The following TENM4 variants were observed in gnomAD, a reference collection of about 807,000 sequenced individuals.
The protein encoded by TENM4 is teneurin transmembrane protein 4.
Under a neutral mutation model 243.3 loss-of-function variants are expected in TENM4, and 82 were observed. The ratio of observed to expected loss-of-function variants is 0.34; its 90% CI spans 0.28 to 0.40. The LOEUF is 0.40. Among genes scored for constraint, TENM4 ranks in the 10% least tolerant of loss-of-function variants. The pLI, the probability that TENM4 is intolerant of heterozygous loss-of-function variation, is 1.00. For synonymous variants in TENM4, 1,412 were observed against 1,456.3 expected (o/e 0.97, Z 0.69); for missense variants, 3,138 against 3,673.3 (o/e 0.85, Z 3.77).
intron 6 of TENM4, among the ~76,000 whole-genome samples, chr11:79,060,474 A>G (rs1352539942): frequency 1.3e-5 from 2 of 152,232 alleles, no homozygotes; most frequent in Non-Finnish European, 2.9e-5. Flanking sequence ...GTTGACAATT[A>G]CTATTGACTA....
chr11:78,811,528 A>G (rs1857498830), intron 14 of TENM4, among the ~76,000 whole-genome samples: 1 of 152,054 alleles, frequency 6.6e-6, no homozygotes, highest in Non-Finnish European at 1.5e-5. Flanking sequence ...TATTTTATAA[A>G]GGAGAGGCAT....
At chr11:78,945,100 T>C (rs1253114610) in intron 6 of TENM4, among the ~76,000 whole-genome samples, 1 of 152,230 alleles carries the variant, frequency 6.6e-6, no homozygotes, top group Admixed American at 6.5e-5. Context: ...CGATTCTCTA[T>C]AGAGATCTAC....
chr11:78,959,613 G>C (rs72945669), intron 6 of TENM4, among the ~76,000 whole-genome samples: 11,878 of 152,118 alleles, frequency 0.078, 532 homozygotes, highest in Middle Eastern at 0.19. Context: ...CTTCCTTCAG[G>C]CATGAGACAT....
rs181097291 is a variant in TENM4 at position 78,876,546 on chromosome 11, C to A, written c.1084+13239G>T. 1.2e-3 allele frequency among the ~76,000 whole-genome samples: 182 copies of A among 152,320 alleles called. 3 individuals carry two copies. The highest frequency in any genetic ancestry group is 2.5e-3 in the Admixed American group (38 of 15,304). On this transcript the variant is annotated intron_variant, in intron 9 of 33. Coordinates refer to ENST00000278550, the MANE Select transcript of TENM4 (RefSeq NM_001098816.3). Reference sequence around the variant, plus strand: ...TCTTACTTGATTTACAAGCTCAATGCCTTGTAATTTTTTCCTGATCCTCCC... The same window carrying A: ...TCTTACTTGATTTACAAGCTCAATGACTTGTAATTTTTTCCTGATCCTCCC...
At chr11:78,774,596 G>T (rs1856705181) in intron 17 of TENM4, among the ~76,000 whole-genome samples, 1 of 152,190 alleles carries the variant, frequency 6.6e-6, no homozygotes. Context: ...GCATGTAGCA[G>T]ACACTCAATA....
intron 2 of TENM4, among the ~76,000 whole-genome samples, chr11:79,266,350 C>CA (rs1380334437): frequency 1.3e-5 from 2 of 149,824 alleles, no homozygotes; most frequent in African/African-American, 5.1e-5. Context: ...CTGCAATGAG[C>CA]AAAATAGTCA....
intron 20 of TENM4, among the ~76,000 whole-genome samples, chr11:78,733,332 C>T (rs1288398576): frequency 2.6e-5 from 4 of 152,184 alleles, no homozygotes; most frequent in Non-Finnish European, 5.9e-5. Context: ...CTGGGGAGGT[C>T]TGAGGAGAAA....
chr11:79,260,620 C>T (rs1293618775), intron 2 of TENM4, among the ~76,000 whole-genome samples: 3 of 152,102 alleles, frequency 2.0e-5, no homozygotes, highest in Non-Finnish European at 2.9e-5. Context: ...CCCTGTTGCC[C>T]AGTATGCGGT....
chr11:79,426,015 G>T (rs532029597), intron 1 of TENM4, among the ~76,000 whole-genome samples: 2 of 152,080 alleles, frequency 1.3e-5, no homozygotes, highest in Non-Finnish European at 2.9e-5. Flanking sequence ...CTACTTTGAG[G>T]CCTTGAGACC....
intron 1 of TENM4, among the ~76,000 whole-genome samples, chr11:79,301,161 A>G (rs1034224943): frequency 9.9e-5 from 15 of 152,170 alleles, no homozygotes; most frequent in African/African-American, 3.1e-4. Context: ...TTTAAATGCA[A>G]ATTGGGTTAT....
chr11:79,069,822 G>A lies in TENM4; in HGVS notation c.123C>T (p.Ser41=). 1.3e-6 allele frequency: 2 copies of A among 1,551,078 alleles called. No homozygotes were observed. Among genetic ancestry groups the A allele is most frequent in the Non-Finnish European group, 1.7e-6 (2 of 1,146,900 alleles). Residue 41 remains serine (S), a synonymous_variant, in exon 5 of 34, where the codon TCC becomes TCT. Coordinates refer to ENST00000278550, the MANE Select transcript of TENM4 (RefSeq NM_001098816.3). ...GGTCGTAGGCCTTCAGGGTCTCGCT[G>A]GAGCTGTACGATTTCTGCGGGGCTT... ...EGKAPQKSYS[S]SETLKAYDQD... is the part of the protein sequence containing the mutation.
chr11:79,023,363 C>G (rs866445382), intron 6 of TENM4, among the ~76,000 whole-genome samples: 1 of 152,016 alleles, frequency 6.6e-6, no homozygotes, highest in Non-Finnish European at 1.5e-5. Context: ...AGTTCAAGAC[C>G]AGCCTGGCCA....
intron 2 of TENM4, among the ~76,000 whole-genome samples, chr11:79,293,150 A>G (rs1032356199): frequency 1.3e-5 from 2 of 152,208 alleles, no homozygotes; most frequent in African/African-American, 2.4e-5. Context: ...TATGTAAGTC[A>G]AGTACATAAT....
At chr11:78,737,814 G>T (rs937527466) in intron 20 of TENM4, among the ~76,000 whole-genome samples, 2 of 152,178 alleles carry the variant, frequency 1.3e-5, no homozygotes, top group Non-Finnish European at 2.9e-5. Context: ...AGTGGGGTGG[G>T]GAACTAAGAT....
rs1171682566 is a variant in TENM4, at chr11:78,655,844, T to G, written c.*2214A>C. The G allele has an allele frequency of 1.3e-5, 2 of 152,236 alleles. No homozygotes were observed. The allele number at this position is 152,236 out of a possible 1,614,324, so 9.4% of individuals were successfully genotyped here. ...AAAACTTGTGTTCTTCAGGCCAAAC[T>G]GTTTTCCATCTCATCCAAGAATGAT... On this transcript the variant is annotated 3_prime_UTR_variant, in exon 34 of 34. Coordinates refer to ENST00000278550, the MANE Select transcript of TENM4 (RefSeq NM_001098816.3).
intron 6 of TENM4, among the ~76,000 whole-genome samples, chr11:79,016,080 G>A (rs556767678): frequency 2.0e-5 from 3 of 152,240 alleles, no homozygotes; most frequent in Admixed American, 2.0e-4. Context: ...GAGCTAGAGT[G>A]GATCCCAGAC....
intron 4 of TENM4, among the ~76,000 whole-genome samples, chr11:79,139,703 A>ATTTATAT (rs1555016003): frequency 1.3e-4 from 11 of 82,966 alleles, no homozygotes; most frequent in African/African-American, 6.4e-4. Flanking sequence ...TATATATAAT[A>ATTTATAT]TTTATATAAG....
chr11:78,922,952 C>T (rs527593231), intron 6 of TENM4, among the ~76,000 whole-genome samples: 4 of 152,264 alleles, frequency 2.6e-5, no homozygotes, highest in African/African-American at 4.8e-5. Flanking sequence ...CTCAGACCAG[C>T]GATATCAGCT....
At chr11:78,972,557 G>C (rs1435946399) in intron 6 of TENM4, among the ~76,000 whole-genome samples, 1 of 152,136 alleles carries the variant, frequency 6.6e-6, no homozygotes, top group Non-Finnish European at 1.5e-5. Flanking sequence ...ATCAAGAAGA[G>C]AGCCCTTTAG....
Sources: allele counts gnomAD v4.1 joint callset (sites outside exome capture counted in the v4.1 genomes callset), GRCh38; gene constraint gnomAD v4.1.1; transcripts MANE v1.5; gene names NCBI Gene and HGNC (gene_info 2026-07-23, HGNC 2026-07-21).